SVIL: variants seen among roughly 807,000 people sequenced by gnomAD.
SVIL encodes supervillin, also known as archvillin.
SVIL carries 101 observed loss-of-function variants against 240.4 expected under a neutral mutation model. The observed-to-expected ratio is 0.42, with a 90% confidence interval of 0.36 to 0.50. SVIL has a LOEUF of 0.50. SVIL is among the 20% of genes least tolerant of loss of function. SVIL has a pLI of 0.01. For synonymous variants in SVIL, 999 were observed against 1,100.0 expected (o/e 0.91, Z 1.82); for missense variants, 2,512 against 2,818.7 (o/e 0.89, Z 2.46).
intron 1 of SVIL, among the ~76,000 whole-genome samples, chr10:29,617,608 A>G (rs1957476550): frequency 6.6e-6 from 1 of 152,010 alleles, no homozygotes; most frequent in South Asian, 2.1e-4. Flanking sequence ...AAGAAAAAAA[A>G]AGAGAAATTC....
In SVIL at chr10:29,550,856, C is replaced by A. The variant is rs187923660; in HGVS notation, c.568G>T (p.Gly190Cys). The change falls in exon 6 of 38, where the codon GGT becomes TGT. Residue 190 changes from glycine (G) to cysteine (C), a missense_variant. By Grantham distance (159) the Gly-to-Cys change is radical (BLOSUM62 -3). Around this residue, in one of 3 missense-constraint regions of SVIL, gnomAD observed 1,443 missense variants for 1,486.6 expected, o/e 0.97. Coordinates refer to ENST00000355867, the MANE Select transcript of SVIL (RefSeq NM_021738.3). ...ACCTCCGGGTCGGAAGAGCCGTCAC[C>A]CACATGGAGGGCATAGTCCTTGGAT... Reference protein sequence around the residue: ...GESKDYALHVGDGSSDPEVLL... With the variant: ...GESKDYALHVCDGSSDPEVLL... The A allele has an allele frequency of 1.9e-5, 30 of 1,614,060 alleles. No individual in the cohort carries two copies. The East Asian group carries it at 5.8e-4, about 31-fold the overall frequency.
At chr10:29,549,610 T>C (rs1953040067) in intron 6 of SVIL, among the ~76,000 whole-genome samples, 1 of 146,854 alleles carries the variant, frequency 6.8e-6, no homozygotes, top group Non-Finnish European at 1.5e-5. Context: ...TAGCAAAGAC[T>C]TGGAACCAAC....
intron 1 of SVIL, among the ~76,000 whole-genome samples, chr10:29,575,643 T>G (rs1443648206): frequency 2.0e-5 from 3 of 152,200 alleles, no homozygotes; most frequent in Non-Finnish European, 4.4e-5. Context: ...ACTGGTGCTA[T>G]TCTATTGAGT....
Position 29,678,433 on chromosome 10 carries a change from G to A in SVIL, c.-301+8120C>T, listed in dbSNP as rs534477955. 1.4e-4 allele frequency among the ~76,000 whole-genome samples: 21 copies of A among 152,214 alleles called. No homozygotes were observed. The East Asian group carries it at 3.5e-3, about 25-fold the overall frequency. On this transcript the variant is annotated intron_variant, in intron 2 of 35. Coordinates refer to the SVIL transcript ENST00000375400. ...TGCTACTGCTGATCCGACAGGAGGC[G>A]GAACTCAGGGGGAAATGCAAGCAAT...
At chr10:29,656,466 T>A (rs925277781) in intron 3 of SVIL, among the ~76,000 whole-genome samples, 1 of 151,852 alleles carries the variant, frequency 6.6e-6, no homozygotes, top group Non-Finnish European at 1.5e-5. Flanking sequence ...GCTTTTTTTT[T>A]TAAAAAAAAG....
chr10:29,662,612 C>T (rs1405721500), intron 2 of SVIL, among the ~76,000 whole-genome samples: 1 of 152,166 alleles, frequency 6.6e-6, no homozygotes, highest in Non-Finnish European at 1.5e-5. Context: ...GTGCCCAAGG[C>T]TTGCCATTCT....
At chr10:29,536,470 T>C (rs953160589) in intron 6 of SVIL, among the ~76,000 whole-genome samples, 15 of 152,202 alleles carry the variant, frequency 9.9e-5, no homozygotes, top group African/African-American at 2.7e-4. Flanking sequence ...CTTTTGAAAA[T>C]GTATAAGCAC....
chr10:29,498,102 A>AT (rs920604599), intron 18 of SVIL, among the ~76,000 whole-genome samples: 3 of 148,598 alleles, frequency 2.0e-5, no homozygotes, highest in Non-Finnish European at 4.5e-5. Flanking sequence ...AAAAAAAAAA[A>AT]AAAAAAAAAA....
At chr10:29,493,474 T>C in intron 20 of SVIL, 83 bp from the exon 21 acceptor site, 9 of 1,456,644 alleles carry the variant, frequency 6.2e-6, no homozygotes, top group Non-Finnish European at 7.5e-6. Flanking sequence ...AAAAATTCTA[T>C]TGCCTCCTAA....
chr10:29,635,310 CAT>C (rs1327190750), upstream of SVIL, among the ~76,000 whole-genome samples: 1 of 152,120 alleles, frequency 6.6e-6, no homozygotes, highest in Non-Finnish European at 1.5e-5. Context: ...AAGTAACAGA[CAT>C]ATATACAATG....
intron 1 of SVIL, among the ~76,000 whole-genome samples, chr10:29,730,815 G>C (rs1964576851): frequency 2.0e-5 from 3 of 152,240 alleles, no homozygotes; most frequent in African/African-American, 7.2e-5. Flanking sequence ...ACCTTTTATA[G>C]AACAAAGGCG....
At chr10:29,693,854 T>C (rs1461761394) in intron 1 of SVIL, among the ~76,000 whole-genome samples, 1 of 152,182 alleles carries the variant, frequency 6.6e-6, no homozygotes, top group East Asian at 1.9e-4. Flanking sequence ...CTTCATTAGA[T>C]CATTATCCTC....
Position 29,711,487 on chromosome 10 carries a change from G to A in SVIL, c.-400+24264C>T, listed in dbSNP as rs1356375958. Among the ~76,000 whole-genome samples, 4 of 150,128 alleles carry A rather than the reference G, an allele frequency of 2.7e-5. No homozygotes were observed. The East Asian group carries it at 6.1e-4, about 23-fold the overall frequency. ...TCAAATGCGCCATGACTGGACAGGTGACACTACTCACGCCTGTAATCCCAG... is the reference window on the plus strand; with the variant it reads ...TCAAATGCGCCATGACTGGACAGGTAACACTACTCACGCCTGTAATCCCAG... On this transcript the variant is annotated intron_variant, in intron 1 of 35. Transcript: ENST00000375400.
intron 2 of SVIL, chr10:29,686,412 C>A (rs1220641510): frequency 6.6e-6 from 1 of 152,198 alleles, no homozygotes; most frequent in Non-Finnish European, 1.5e-5. Flanking sequence ...TTTAAAAAGT[C>A]CATCTCACAC....
intron 3 of SVIL, among the ~76,000 whole-genome samples, chr10:29,642,668 T>C (rs1409566045): frequency 6.6e-6 from 1 of 152,112 alleles, no homozygotes; most frequent in African/African-American, 2.4e-5. Context: ...CAAAATAGTC[T>C]GCAGTTAGAT....
chr10:29,572,582 T>C (rs1955476251), intron 1 of SVIL, among the ~76,000 whole-genome samples: 2 of 151,898 alleles, frequency 1.3e-5, no homozygotes, highest in African/African-American at 2.4e-5. Flanking sequence ...CTGGGCAACA[T>C]GGTGAGGCCC....
chr10:29,658,622 G>GGTGTGCTC (rs1959073321), intron 2 of SVIL, among the ~76,000 whole-genome samples: 1 of 152,160 alleles, frequency 6.6e-6, no homozygotes. Context: ...TGAGCGTGGA[G>GGTGTGCTC]GTGTGCTCCT....
At position 29,600,253 on chromosome 10, in the gene SVIL, G is replaced by C. The variant is rs370572395; in HGVS notation, c.-200-30941C>G. Among the ~76,000 whole-genome samples, 445 of 152,216 alleles carry C rather than the reference G, an allele frequency of 2.9e-3. 11 individuals are homozygous for C. The South Asian group carries it at 0.06, about 21-fold the overall frequency. On this transcript the variant is annotated intron_variant, in intron 1 of 37. Coordinates refer to ENST00000355867, the MANE Select transcript of SVIL (RefSeq NM_021738.3). Reference sequence around the variant, plus strand: ...CTGAAAAATTTTTACTCTGAATTTTGGCCATTAGTTATGTATGACACAGAC... The same window carrying C: ...CTGAAAAATTTTTACTCTGAATTTTCGCCATTAGTTATGTATGACACAGAC...
chr10:29,662,800 C>CAT (rs61514833), intron 2 of SVIL, among the ~76,000 whole-genome samples: 5 of 152,020 alleles, frequency 3.3e-5, no homozygotes, highest in Admixed American at 6.6e-5. Flanking sequence ...CACACACACA[C>CAT]GGAACACTTG....
Sources: gnomAD v4.1 joint callset for allele counts (sites outside exome capture counted in the v4.1 genomes callset) on GRCh38, gnomAD v4.1.1 for gene constraint, gnomAD v4.1.1 regional missense constraint, MANE v1.5 for transcripts, NCBI Gene and HGNC (gene_info 2026-07-23, HGNC 2026-07-21) for gene names.